The following NBEA variants were observed in gnomAD, a reference collection of about 807,000 sequenced individuals.
NBEA encodes the protein lysosomal-trafficking regulator 2.
NBEA carries 44 observed loss-of-function variants against 343.4 expected under a neutral mutation model. The ratio of observed to expected loss-of-function variants is 0.13; its 90% CI spans 0.10 to 0.16. The LOEUF (loss-of-function observed/expected upper bound fraction) is 0.16. NBEA is among the 10% of genes least tolerant of loss of function. The pLI, the probability that NBEA is intolerant of heterozygous loss-of-function variation, is 1.00. For synonymous variants in NBEA, 1,175 were observed against 1,238.7 expected, an observed-to-expected ratio of 0.95 and a Z score of 1.08; for missense variants, 2,555 against 3,631.3, an observed-to-expected ratio of 0.70 and a Z score of 7.62.
chr13:35,306,228 T>C (rs2036885417), intron 35 of NBEA, among the ~76,000 whole-genome samples: 1 of 152,150 alleles, frequency 6.6e-6, no homozygotes, highest in South Asian at 2.1e-4. Flanking sequence ...AATTTAATGA[T>C]GATATACTTG....
intron 41 of NBEA, among the ~76,000 whole-genome samples, chr13:35,540,490 T>C (rs1303807095): frequency 1.3e-5 from 2 of 152,014 alleles, no homozygotes; most frequent in Non-Finnish European, 2.9e-5. Context: ...TGAGGAAACA[T>C]AGCCAAAGAT....
intron 46 of NBEA, among the ~76,000 whole-genome samples, chr13:35,584,279 G>C (rs1475410160): frequency 6.7e-6 from 1 of 149,886 alleles, no homozygotes; most frequent in Non-Finnish European, 1.5e-5. Flanking sequence ...CAAACCAGTT[G>C]TCCAGTTATA....
intron 35 of NBEA, among the ~76,000 whole-genome samples, chr13:35,293,262 A>G (rs1478431542): frequency 3.3e-5 from 5 of 152,006 alleles, no homozygotes. Context: ...GTAATTTTTC[A>G]TCTTTGTGGA....
chr13:35,184,110 T>G, intron 30 of NBEA, 39 bp downstream of exon 30: 1 of 1,410,704 alleles, frequency 7.1e-7, no homozygotes, highest in Non-Finnish European at 9.9e-7. Flanking sequence ...TTGGGTATTC[T>G]TATTTCATGA....
At chr13:35,143,843 G>A (rs781346215) in intron 18 of NBEA, among the ~76,000 whole-genome samples, 3 of 150,074 alleles carry the variant, frequency 2.0e-5, no homozygotes, top group Admixed American at 6.7e-5. Context: ...AGCTGAGATC[G>A]CGCCACTGCA....
chr13:34,993,069 G>A (rs1169653835), intron 1 of NBEA, among the ~76,000 whole-genome samples: 1 of 151,966 alleles, frequency 6.6e-6, no homozygotes, highest in South Asian at 2.1e-4. Flanking sequence ...TTCATTACTC[G>A]CTCCTCTCTC....
At chr13:35,500,518 G>A (rs2076843597) in intron 41 of NBEA, among the ~76,000 whole-genome samples, 1 of 152,026 alleles carries the variant, frequency 6.6e-6, no homozygotes, top group Non-Finnish European at 1.5e-5. Context: ...ATAGTTGTTT[G>A]GAGGTTACAG....
chr13:35,475,082 G>T, intron 41 of NBEA: 1 of 1,612,878 alleles, frequency 6.2e-7, no homozygotes, highest in Non-Finnish European at 8.5e-7. Flanking sequence ...AAACTTTTCG[G>T]GTTGGTCAGG....
chr13:35,005,111 G>T (rs941706820), intron 1 of NBEA, among the ~76,000 whole-genome samples: 2 of 152,098 alleles, frequency 1.3e-5, no homozygotes, highest in Non-Finnish European at 2.9e-5. Flanking sequence ...ATTTCCCATG[G>T]CATTTTTGCA....
intron 17 of NBEA, among the ~76,000 whole-genome samples, chr13:35,128,717 C>G (rs2152683290): frequency 6.6e-6 from 1 of 152,238 alleles, no homozygotes; most frequent in Non-Finnish European, 1.5e-5. Flanking sequence ...AAGGGGCCTA[C>G]TAGCCAGAGG....
chr13:35,420,841 T>C (rs1232549797), intron 38 of NBEA, among the ~76,000 whole-genome samples: 1 of 151,950 alleles, frequency 6.6e-6, no homozygotes, highest in Non-Finnish European at 1.5e-5. Context: ...ACTAGTGATA[T>C]CCCCTTTTTC....
At chr13:35,229,594 A>T (rs2074854990) in intron 33 of NBEA, among the ~76,000 whole-genome samples, 1 of 152,086 alleles carries the variant, frequency 6.6e-6, no homozygotes, top group Non-Finnish European at 1.5e-5. Context: ...TTTACATATT[A>T]ACAGATAGCT....
At chr13:35,469,178 ATTT>A (rs1213575387) in intron 40 of NBEA, among the ~76,000 whole-genome samples, 2 of 151,938 alleles carry the variant, frequency 1.3e-5, no homozygotes, top group African/African-American at 4.8e-5. Context: ...TGTGCTTGAA[ATTT>A]TTATTTTCAT....
chr13:35,222,069 A>G, intron 33 of NBEA, among the ~76,000 whole-genome samples: 1 of 152,114 alleles, frequency 6.6e-6, no homozygotes, highest in East Asian at 1.9e-4. Flanking sequence ...AATCCACATT[A>G]TTTTTATATA....
rs2042418617 is a variant in NBEA at position 35,389,946 on chromosome 13, T to A, written c.6179+37623T>A. Among the ~76,000 whole-genome samples, 3 of 149,942 alleles carry A rather than the reference T, an allele frequency of 2.0e-5. No individual in the cohort carries two copies. In the East Asian group the frequency reaches 5.8e-4, roughly 29 times the overall value. Reference sequence around the variant, plus strand: ...AATATATAACCTGTCCTCTGGTCATTTCTATGGTTTATGTCTTTTGTAGAG... The same window carrying A: ...AATATATAACCTGTCCTCTGGTCATATCTATGGTTTATGTCTTTTGTAGAG... On this transcript the variant is annotated intron_variant, in intron 38 of 58. Coordinates refer to ENST00000379939, the MANE Select transcript of NBEA (RefSeq NM_001385012.1).
At chr13:35,524,058 C>A (rs1382859542) in intron 41 of NBEA, among the ~76,000 whole-genome samples, 1 of 152,084 alleles carries the variant, frequency 6.6e-6, no homozygotes, top group Non-Finnish European at 1.5e-5. Context: ...TGTGTTCATG[C>A]CTAAGACAAT....
At chr13:35,259,742 AATGAT>A (rs1474202219) in intron 34 of NBEA, among the ~76,000 whole-genome samples, 1 of 152,168 alleles carries the variant, frequency 6.6e-6, no homozygotes, top group Non-Finnish European at 1.5e-5. Context: ...AATATAGTTA[AATGAT>A]ATTTCATCAA....
At chr13:35,354,790 T>C (rs147893553) in intron 38 of NBEA, among the ~76,000 whole-genome samples, 94 of 152,268 alleles carry the variant, frequency 6.2e-4, no homozygotes, top group African/African-American at 2.1e-3. Flanking sequence ...TCCCATGATT[T>C]AAAAATACTA....
At chr13:35,601,287 C>A (rs992765001) in intron 47 of NBEA, among the ~76,000 whole-genome samples, 2 of 152,030 alleles carry the variant, frequency 1.3e-5, no homozygotes, top group Non-Finnish European at 2.9e-5. Context: ...AATCTTGATT[C>A]ATTTTTAATT....
Sources: allele counts gnomAD v4.1 joint callset (sites outside exome capture counted in the v4.1 genomes callset), GRCh38; gene constraint gnomAD v4.1.1; transcripts MANE v1.5; gene names NCBI Gene and HGNC (gene_info 2026-07-23, HGNC 2026-07-21).